ADGRL3: variants seen among roughly 807,000 people sequenced by gnomAD.
ADGRL3 encodes the protein calcium-independent alpha-latrotoxin receptor 3.
In ADGRL3, 62 loss-of-function variants were observed where a neutral mutation model predicts 153.5. That is an observed-to-expected ratio of 0.40 (90% confidence interval 0.33 to 0.50). The LOEUF (loss-of-function observed/expected upper bound fraction) is 0.50. Ranked by LOEUF, ADGRL3 falls within the 20% of genes least tolerant of loss-of-function variation. ADGRL3 has a pLI of 0.47. For synonymous variants in ADGRL3, 710 were observed against 672.5 expected (o/e 1.06, Z -0.86); for missense variants, 1,641 against 1,859.4 (o/e 0.88, Z 2.16).
chr4:61,297,121 G>C (rs2150271801), intron 1 of ADGRL3, among the ~76,000 whole-genome samples: 1 of 152,226 alleles, frequency 6.6e-6, no homozygotes, highest in African/African-American at 2.4e-5. Flanking sequence ...TAAGAGCAAT[G>C]AGCCTATTTC....
rs547252869 is a variant in ADGRL3 at position 61,410,377 on chromosome 4, AC to A, written c.-174+27189del. Among the ~76,000 whole-genome samples the A allele has an allele frequency of 7.2e-4, 109 of 151,562 alleles. 1 individual carries two copies. Among genetic ancestry groups the A allele is most frequent in the Admixed American group, 4.6e-3 (70 of 15,204 alleles). Reference sequence around the variant, plus strand: ...CCTTTCCTTTTCTTTTTCTCTCTTTACTTCAGTATGTATTGTGTATTTGCCC... The same window carrying A: ...CCTTTCCTTTTCTTTTTCTCTCTTTATTCAGTATGTATTGTGTATTTGCCC... On this transcript the variant is annotated intron_variant, in intron 2 of 26. Transcript: ENST00000683033.
intron 3 of ADGRL3, among the ~76,000 whole-genome samples, chr4:61,511,754 T>G (rs34095859): frequency 0.092 from 14,002 of 152,140 alleles, 700 homozygotes; most frequent in Non-Finnish European, 0.1. Flanking sequence ...GGAGGACAAT[T>G]TGTTACTACT....
At chr4:61,556,413 C>T (rs974786745) in intron 4 of ADGRL3, among the ~76,000 whole-genome samples, 1 of 151,762 alleles carries the variant, frequency 6.6e-6, no homozygotes, top group Non-Finnish European at 1.5e-5. Flanking sequence ...CAGAATGAGC[C>T]GGGGGAGAGC....
chr4:61,937,812 C>A (rs368608236), intron 15 of ADGRL3, among the ~76,000 whole-genome samples: 77 of 152,204 alleles, frequency 5.1e-4, no homozygotes, highest in Admixed American at 1.1e-3. Flanking sequence ...AATGTGTGAA[C>A]CTTCAGACGA....
At chr4:61,280,329 G>C (rs892425648) in intron 1 of ADGRL3, among the ~76,000 whole-genome samples, 1 of 151,590 alleles carries the variant, frequency 6.6e-6, no homozygotes, top group African/African-American at 2.4e-5. Context: ...GGATGGTCTC[G>C]ATCTCCTGAC....
At chr4:61,564,839 G>A (rs1378200543) in intron 4 of ADGRL3, among the ~76,000 whole-genome samples, 1 of 152,138 alleles carries the variant, frequency 6.6e-6, no homozygotes, top group Non-Finnish European at 1.5e-5. Context: ...CTGGGAATAG[G>A]GAGGCCCAAA....
intron 8 of ADGRL3, among the ~76,000 whole-genome samples, chr4:61,760,294 A>C (rs1396051249): frequency 6.6e-6 from 1 of 152,148 alleles, no homozygotes; most frequent in African/African-American, 2.4e-5. Context: ...CTTGAGCTGC[A>C]GTGGGCTCCA....
At chr4:61,616,626 T>C (rs1055212672) in intron 5 of ADGRL3, among the ~76,000 whole-genome samples, 4 of 152,166 alleles carry the variant, frequency 2.6e-5, no homozygotes, top group Non-Finnish European at 4.4e-5. Flanking sequence ...ACCTCCCACA[T>C]TGACCAAGAT....
At chr4:61,996,951 G>C (rs1318655992) in intron 20 of ADGRL3, among the ~76,000 whole-genome samples, 1 of 151,892 alleles carries the variant, frequency 6.6e-6, no homozygotes, top group East Asian at 1.9e-4. Flanking sequence ...TAGTATAATT[G>C]CTTATGTACT....
intron 17 of ADGRL3, among the ~76,000 whole-genome samples, chr4:61,955,764 CT>C (rs1276904547): frequency 6.6e-6 from 1 of 152,116 alleles, no homozygotes; most frequent in Admixed American, 6.6e-5. Context: ...TCAACTCCTA[CT>C]TATGAGTGAG....
intron 9 of ADGRL3, among the ~76,000 whole-genome samples, chr4:61,885,670 A>T (rs1477112043): frequency 1.3e-5 from 2 of 152,206 alleles, no homozygotes; most frequent in African/African-American, 4.8e-5. Flanking sequence ...AAATTTTTAC[A>T]TATGTTCACA....
chr4:61,742,911 G>T (rs899175570), intron 8 of ADGRL3, among the ~76,000 whole-genome samples: 6 of 151,842 alleles, frequency 4.0e-5, no homozygotes, highest in Non-Finnish European at 7.4e-5. Context: ...CAAACTTTTT[G>T]CATCTATTTA....
intron 8 of ADGRL3, among the ~76,000 whole-genome samples, chr4:61,759,050 CT>C (rs1333612083): frequency 7.9e-5 from 12 of 152,174 alleles, no homozygotes; most frequent in Admixed American, 7.2e-4. Flanking sequence ...GAGAGATCAG[CT>C]GTTAGTCTGA....
rs1238158393 is a variant in ADGRL3 at position 61,254,802 on chromosome 4, T to C, written c.-240+53037T>C. ...GCTGATTCTCTGGTTATCTGCACAC[T>C]CGAAACTTAGTTTTATCAGTCATTT... is the stretch of plus-strand genomic sequence containing the variant. On this transcript the variant is annotated intron_variant, in intron 1 of 26. Transcript: ENST00000683033. Among the ~76,000 whole-genome samples, 3 of 152,162 alleles carry C rather than the reference T, an allele frequency of 2.0e-5. No homozygotes were observed. In the East Asian group the frequency reaches 5.8e-4, roughly 29 times the overall value.
chr4:61,228,737 T>G (rs1460881662), intron 1 of ADGRL3, among the ~76,000 whole-genome samples: 1 of 152,106 alleles, frequency 6.6e-6, no homozygotes, highest in East Asian at 1.9e-4. Context: ...TCAACAGTAG[T>G]TAATAAGTGC....
intron 19 of ADGRL3, among the ~76,000 whole-genome samples, chr4:61,995,894 G>A (rs1049189926): frequency 1.3e-5 from 2 of 152,132 alleles, no homozygotes; most frequent in Admixed American, 6.6e-5. Flanking sequence ...ACAGGAAAAT[G>A]TCACTTTGCC....
intron 1 of ADGRL3, among the ~76,000 whole-genome samples, chr4:61,244,306 A>G (rs1245328483): frequency 1.3e-5 from 2 of 152,054 alleles, no homozygotes; most frequent in East Asian, 1.9e-4. Context: ...AAATGTTTCA[A>G]TGATATAAAT....
At chr4:61,285,657 G>A (rs1045394143) in intron 1 of ADGRL3, among the ~76,000 whole-genome samples, 1 of 151,758 alleles carries the variant, frequency 6.6e-6, no homozygotes, top group Non-Finnish European at 1.5e-5. Context: ...TGTTTAGTTA[G>A]GGGTTTAAAG....
intron 25 of ADGRL3, among the ~76,000 whole-genome samples, chr4:62,059,915 A>C (rs1262337472): frequency 6.6e-6 from 1 of 152,154 alleles, no homozygotes; most frequent in Non-Finnish European, 1.5e-5. Flanking sequence ...TACATTAAAA[A>C]TTAGAAAACA....
Sources: gnomAD v4.1 joint callset for allele counts (sites outside exome capture counted in the v4.1 genomes callset) on GRCh38, gnomAD v4.1.1 for gene constraint, MANE v1.5 for transcripts, NCBI Gene and HGNC (gene_info 2026-07-23, HGNC 2026-07-21) for gene names.